The following SLC36A1 variants were observed in gnomAD, a reference collection of about 807,000 sequenced individuals.
SLC36A1 encodes proton-coupled amino acid transporter 1.
SLC36A1 carries 30 observed loss-of-function variants against 47.5 expected under a neutral mutation model. The ratio of observed to expected loss-of-function variants is 0.63; its 90% CI spans 0.47 to 0.86. The LOEUF (loss-of-function observed/expected upper bound fraction) is 0.86. SLC36A1 is among the 40% of genes least tolerant of loss of function. SLC36A1 has a pLI of 0.00. For synonymous variants in SLC36A1, 255 were observed against 249.7 expected (o/e 1.02, Z -0.20); for missense variants, 517 against 606.0 (o/e 0.85, Z 1.54).
the SLC36A1 span, among the ~76,000 whole-genome samples, chr5:151,532,956 T>G: frequency 1.3e-5 from 2 of 152,238 alleles, no homozygotes; most frequent in Non-Finnish European, 2.9e-5. Context: ...ATATTGGCAC[T>G]TATATGAAGA....
At chr5:151,395,913 A>G in the SLC36A1 span, among the ~76,000 whole-genome samples, 1 of 151,996 alleles carries the variant, frequency 6.6e-6, no homozygotes, top group East Asian at 1.9e-4. Context: ...GAGTTCAAGC[A>G]ATTCTCATGC....
chr5:151,421,208 C>CCTTCCTTCCTTCCTTCCTTA, the SLC36A1 span, among the ~76,000 whole-genome samples: 1 of 147,424 alleles, frequency 6.8e-6, no homozygotes, highest in African/African-American at 2.5e-5. Context: ...TTCCTTCCTT[C>CCTTCCTTCCTTCCTTCCTTA]CTTCCTTCCT....
At chr5:151,550,965 A>G in the SLC36A1 span, 2 of 1,105,588 alleles carry the variant, frequency 1.8e-6, no homozygotes, top group South Asian at 3.0e-5. Context: ...CAGGCCTAGC[A>G]CAGTGCCTGG....
chr5:151,422,197 A>G, the SLC36A1 span: 1 of 152,290 alleles, frequency 6.6e-6, no homozygotes, highest in Non-Finnish European at 1.5e-5. Flanking sequence ...GCCAGGAGGC[A>G]TGTTACCAAC....
At chr5:151,546,188 T>A in the SLC36A1 span, 1 of 1,614,208 alleles carries the variant, frequency 6.2e-7, no homozygotes, top group Non-Finnish European at 8.5e-7. Context: ...ACATGAATGA[T>A]CACTGTAGCC....
chr5:151,509,902 C>A, the SLC36A1 span: 1 of 1,227,694 alleles, frequency 8.1e-7, no homozygotes, highest in Non-Finnish European at 1.1e-6. Context: ...TGGAAAAGGC[C>A]TAGAAGCCAG....
the SLC36A1 span, among the ~76,000 whole-genome samples, chr5:151,421,174 C>CTCCTTCCTTCCTTCCTTCCTTCCTTCCT: frequency 6.5e-5 from 9 of 138,888 alleles, no homozygotes; most frequent in African/African-American, 2.2e-4. Context: ...CGCCCTTTCT[C>CTCCTTCCTTCCTTCCTTCCTTCCTTCCT]TCCTTCCTTC....
At chr5:151,546,421 A>G in the SLC36A1 span, 3 of 1,048,090 alleles carry the variant, frequency 2.9e-6, no homozygotes, top group East Asian at 7.3e-5. Context: ...AGGGTCTATC[A>G]CACAAAACCT....
the SLC36A1 span, among the ~76,000 whole-genome samples, chr5:151,513,764 ATTAT>A: frequency 1.3e-5 from 2 of 152,242 alleles, no homozygotes; most frequent in Admixed American, 6.5e-5. Context: ...GAAGAAAAAA[ATTAT>A]TTAATTAATT....
the SLC36A1 span, among the ~76,000 whole-genome samples, chr5:151,382,642 G>C: frequency 6.6e-6 from 1 of 152,154 alleles, no homozygotes. Context: ...ATGTGCTTGA[G>C]CCTGTGTTAA....
chr5:151,537,088 C>T, the SLC36A1 span, among the ~76,000 whole-genome samples: 7 of 151,982 alleles, frequency 4.6e-5, no homozygotes, highest in South Asian at 2.1e-4. Context: ...TAAGATCCTC[C>T]GTAGCCAAAG....
the SLC36A1 span, among the ~76,000 whole-genome samples, chr5:151,417,475 C>T: frequency 7.9e-5 from 12 of 152,170 alleles, no homozygotes; most frequent in Admixed American, 7.2e-4. Flanking sequence ...CCTCCTAGGC[C>T]TAGGTTACTC....
chr5:151,382,304 C>A, the SLC36A1 span: 4 of 1,136,078 alleles, frequency 3.5e-6, no homozygotes, highest in Non-Finnish European at 5.3e-6. Context: ...TCAACCTGCA[C>A]AGTCGCCTCA....
At chr5:151,474,834 G>A (rs1336252599) in intron 8 of SLC36A1, among the ~76,000 whole-genome samples, 3 of 152,212 alleles carry the variant, frequency 2.0e-5, no homozygotes, top group South Asian at 4.1e-4. Flanking sequence ...GGCCAAGGGC[G>A]CCACAAATGG....
At chr5:151,413,990 G>A in the SLC36A1 span, among the ~76,000 whole-genome samples, 34 of 152,056 alleles carry the variant, frequency 2.2e-4, no homozygotes, top group Non-Finnish European at 7.4e-5. Context: ...TCAAGCACTA[G>A]AATGTACAGA....
At chr5:151,391,617 G>A in the SLC36A1 span, among the ~76,000 whole-genome samples, 1 of 152,196 alleles carries the variant, frequency 6.6e-6, no homozygotes, top group East Asian at 1.9e-4. Context: ...ATGAAGGGCT[G>A]TTGAATTTTG....
chr5:151,535,755 T>C, the SLC36A1 span, among the ~76,000 whole-genome samples: 1 of 152,124 alleles, frequency 6.6e-6, no homozygotes, highest in African/African-American at 2.4e-5. Flanking sequence ...TAGAGTCTTG[T>C]GGACAGAGCC....
chr5:151,406,163 C>T, the SLC36A1 span, among the ~76,000 whole-genome samples: 3 of 152,200 alleles, frequency 2.0e-5, no homozygotes, highest in Non-Finnish European at 4.4e-5. Context: ...TGGCAGTTTG[C>T]ACAGCTTCCT....
chr5:151,397,223 C>A, the SLC36A1 span, among the ~76,000 whole-genome samples: 1 of 152,234 alleles, frequency 6.6e-6, no homozygotes, highest in Non-Finnish European at 1.5e-5. Flanking sequence ...CTTAAAACTT[C>A]CCACCTCTGC....
Sources: allele counts gnomAD v4.1 joint callset (sites outside exome capture counted in the v4.1 genomes callset), GRCh38; gene constraint gnomAD v4.1.1; transcripts MANE v1.5; gene names NCBI Gene and HGNC (gene_info 2026-07-23, HGNC 2026-07-21).